Variants in ADGRE5 observed in about 807,000 individuals in gnomAD.
ADGRE5 encodes the protein adhesion G protein-coupled receptor E5.
In ADGRE5, 72 loss-of-function variants were observed where a neutral mutation model predicts 100.3. The observed-to-expected ratio is 0.72, with a 90% CI of 0.59 to 0.87. The LOEUF (loss-of-function observed/expected upper bound fraction) is 0.87, where lower values mean the gene tolerates loss of function less well. Ranked by LOEUF, ADGRE5 falls within the 40% of genes least tolerant of loss-of-function variation. The pLI, the probability that ADGRE5 is intolerant of heterozygous loss-of-function variation, is 0.00. For synonymous variants in ADGRE5, 439 were observed against 447.8 expected (o/e 0.98, Z 0.25); for missense variants, 959 against 1,094.7 (o/e 0.88, Z 1.75).
At chr19:14,390,694 C>T (rs1975570779) in intron 3 of ADGRE5, among the ~76,000 whole-genome samples, 1 of 152,198 alleles carries the variant, frequency 6.6e-6, no homozygotes, top group Non-Finnish European at 1.5e-5. Context: ...TCCCTCACCT[C>T]AGCACTGTTC....
chr19:14,398,438 G>A (rs1192588715), intron 9 of ADGRE5: 1 of 354,238 alleles, frequency 2.8e-6, no homozygotes, highest in Non-Finnish European at 5.3e-6. Flanking sequence ...GGAAGGCCGA[G>A]GTGGGCAGAT....
chr19:14,390,155 A>G (rs112862274), intron 3 of ADGRE5, among the ~76,000 whole-genome samples: 13,905 of 144,704 alleles, frequency 0.096, 924 homozygotes, highest in African/African-American at 0.15. Context: ...AGGAGGGAGG[A>G]AGGAAGGAAG....
At position 14,403,408 on chromosome 19, in the gene ADGRE5, AGT is replaced by A. The variant is rs1271315306; in HGVS notation, c.1449+548_1449+549del. On this transcript the variant is annotated intron_variant, in intron 12 of 19. Coordinates refer to ENST00000242786, the MANE Select transcript of ADGRE5 (RefSeq NM_078481.4). Reference sequence around the variant, plus strand: ...CACTCTGTGGCCCAGGCTGGAGTGCAGTGGCGCGATTATAGCTCACTGCAACC... The same window carrying A: ...CACTCTGTGGCCCAGGCTGGAGTGCAGGCGCGATTATAGCTCACTGCAACC... Among the ~76,000 whole-genome samples, 11 of 152,234 alleles carry A rather than the reference AGT, an allele frequency of 7.2e-5. No individual in the cohort carries two copies. The South Asian group carries it at 2.1e-3, about 29-fold the overall frequency.
chr19:14,394,367 C>A (rs1449214511), intron 4 of ADGRE5, among the ~76,000 whole-genome samples: 1 of 152,026 alleles, frequency 6.6e-6, no homozygotes, highest in Non-Finnish European at 1.5e-5. Flanking sequence ...GTGTCACAGC[C>A]CATGGGGCCT....
rs1185811719 is a variant in ADGRE5, at chr19:14,396,219, T to C, written c.347-123T>C. 3.8e-6 allele frequency: 6 copies of C among 1,564,948 alleles called. No homozygotes were observed. In the African/African-American group the frequency reaches 5.5e-5, roughly 14 times the overall value. On this transcript the variant is annotated intron_variant, in intron 4 of 19. Transcript: ENST00000242786. ...TCACCATAGGATGCCTCTGTGTGGA[T>C]TGGAAAAGGGAGGAGACAGTGGTGC... is the stretch of plus-strand genomic sequence containing the variant.
chr19:14,392,286 C>T (rs1480498518), intron 4 of ADGRE5, among the ~76,000 whole-genome samples: 1 of 129,872 alleles, frequency 7.7e-6, no homozygotes, highest in African/African-American at 3.2e-5. Flanking sequence ...AGAAAGAGTC[C>T]TTATCTTTTA....
rs375567054 is a variant in ADGRE5, at chr19:14,401,520, C to T, written c.1032C>T (p.Ser344=). ...ATATCATGAGGATCCTGGCCAAGAG[C>T]CTGCCTAAAGGCCCCTTCACCTACA... The part of the protein sequence containing the change: ...LEDIMRILAK[S]LPKGPFTYIS... Residue 344 remains serine, a synonymous_variant, in exon 10 of 20, where the codon AGC becomes AGT. Transcript: ENST00000242786. This position sits in a 1 kb window ranked among gnomAD's most constrained non-coding sequence, Gnocchi z 4.1. 3.2e-5 allele frequency: 52 copies of T among 1,614,028 alleles called. No homozygotes were observed. The highest frequency in any genetic ancestry group is 8.3e-5 in the Admixed American group (5 of 60,002).
At chr19:14,387,932 C>T (rs1482730851) in intron 1 of ADGRE5, among the ~76,000 whole-genome samples, 1 of 151,824 alleles carries the variant, frequency 6.6e-6, no homozygotes, top group Non-Finnish European at 1.5e-5. Flanking sequence ...AAAAATTAGC[C>T]GGGTGTGGTG....
chr19:14,392,370 G>A (rs921676102), intron 4 of ADGRE5, among the ~76,000 whole-genome samples: 16 of 151,236 alleles, frequency 1.1e-4, no homozygotes, highest in African/African-American at 3.6e-4. Flanking sequence ...GTGTGATCTC[G>A]GCTCACTGCA....
chr19:14,407,386 G>T (rs907315493), intron 18 of ADGRE5, among the ~76,000 whole-genome samples, 157 bp downstream of exon 18: 19 of 152,154 alleles, frequency 1.2e-4, no homozygotes, highest in African/African-American at 4.3e-4. Flanking sequence ...CCAGGGTGAG[G>T]CGCCTGTAAT....
At chr19:14,404,346 C>CAGGCCA (rs551903008) in intron 12 of ADGRE5, 37 bp from the exon 13 acceptor site, 19 of 1,584,390 alleles carry the variant, frequency 1.2e-5, no homozygotes, top group Middle Eastern at 4.1e-4. Context: ...GAGTGAGCTC[C>CAGGCCA]AGGCCAACCT....
At chr19:14,388,113 A>G (rs1975425003) in intron 1 of ADGRE5, among the ~76,000 whole-genome samples, 1 of 152,004 alleles carries the variant, frequency 6.6e-6, no homozygotes, top group Non-Finnish European at 1.5e-5. Context: ...CTGTGGTCCC[A>G]GCTACTTGGG....
At position 14,401,137 on chromosome 19, in the gene ADGRE5, A is replaced by G. The variant is rs1484628188; in HGVS notation, c.898-249A>G. Among the ~76,000 whole-genome samples the G allele has an allele frequency of 6.6e-6, 1 of 152,256 alleles. No homozygotes were observed. Among genetic ancestry groups the G allele is most frequent in the African/African-American group, 2.4e-5 (1 of 41,554 alleles). On this transcript the variant is annotated intron_variant, in intron 9 of 19. Coordinates refer to ENST00000242786, the MANE Select transcript of ADGRE5 (RefSeq NM_078481.4). This position sits in a 1 kb window ranked among gnomAD's most constrained non-coding sequence, Gnocchi z 4.1. ...ACCCTGTCTCAAAAAAAGAAAGAAA[A>G]AAGAACAGGAAATCAAAACAGAGCC...
chr19:14,406,217 C>G lies in ADGRE5; in HGVS notation c.1822-114C>G. ...AACCTGGCCCCCGCTCCAGACCCGC[C>G]CACCCTCCGGCTGTGGTCCCGCCCA... On this transcript the variant is annotated intron_variant, in intron 14 of 19. Coordinates refer to ENST00000242786, the MANE Select transcript of ADGRE5 (RefSeq NM_078481.4). This position sits in a 1 kb window ranked among gnomAD's most constrained non-coding sequence, Gnocchi z 6.0. 2 of 872,136 alleles carry G rather than the reference C, an allele frequency of 2.3e-6. No homozygotes were observed. Among genetic ancestry groups the G allele is most frequent in the South Asian group, 1.8e-5 (1 of 56,702 alleles). 54.0% of individuals were successfully genotyped at this position (872,136 alleles called of 1,614,324 possible). A position where few individuals can be genotyped will look rare whatever the true frequency, so the allele number is the denominator to read the frequency against.
At chr19:14,396,543 A>C in intron 5 of ADGRE5, 70 bp downstream of exon 5, 1 of 1,597,724 alleles carries the variant, frequency 6.3e-7, no homozygotes, top group Non-Finnish European at 8.5e-7. Context: ...CGTCCTCCAA[A>C]GCAGCCGAGG....
rs759172691 is a variant in ADGRE5 at position 14,408,072 on chromosome 19, C to T, written c.2479-20C>T. Reference sequence around the variant, plus strand: ...GCACCAGGGCTAGCGGGGCTCAGGCCTCTGGGCTCTCCTCTCCAGGCCCTC... The same window carrying T: ...GCACCAGGGCTAGCGGGGCTCAGGCTTCTGGGCTCTCCTCTCCAGGCCCTC... On this transcript the variant is annotated intron_variant, in intron 19 of 19. Coordinates refer to ENST00000242786, the MANE Select transcript of ADGRE5 (RefSeq NM_078481.4). 1 of 1,614,092 alleles carries T rather than the reference C, an allele frequency of 6.2e-7. No individual in the cohort carries two copies.
chr19:14,402,983 T>G (rs1976076720), intron 12 of ADGRE5, 121 bp downstream of exon 12: 3 of 848,222 alleles, frequency 3.5e-6, no homozygotes, highest in Non-Finnish European at 3.7e-6. Flanking sequence ...GCCTTCTGAT[T>G]TGGGCCTTCC....
intron 3 of ADGRE5, among the ~76,000 whole-genome samples, chr19:14,389,439 G>C (rs1331374521): frequency 6.8e-6 from 1 of 146,882 alleles, no homozygotes; most frequent in Admixed American, 6.8e-5. Flanking sequence ...GAGGAAGGGA[G>C]GGAGAGAGAT....
Position 14,397,950 on chromosome 19 carries a change from C to T in ADGRE5, c.819+15C>T. On this transcript the variant is annotated intron_variant, in intron 8 of 19. Coordinates refer to ENST00000242786, the MANE Select transcript of ADGRE5 (RefSeq NM_078481.4). The stretch of plus-strand genomic sequence containing the variant: ...TCCACAGCCAGGTGAGTGGCCCCCA[C>T]AGGGACGAGGCGGCGGGAACTCCAT... The T allele has an allele frequency of 7.1e-7, 1 of 1,414,388 alleles. No individual in the cohort carries two copies. The highest frequency in any genetic ancestry group is 9.7e-7 in the Non-Finnish European group (1 of 1,026,120). 87.6% of individuals were successfully genotyped at this position (1,414,388 alleles called of 1,614,324 possible).
Sources: allele counts gnomAD v4.1 joint callset (sites outside exome capture counted in the v4.1 genomes callset), GRCh38; gene constraint gnomAD v4.1.1; non-coding constraint Gnocchi (gnomAD v3.1); transcripts MANE v1.5; gene names NCBI Gene and HGNC (gene_info 2026-07-23, HGNC 2026-07-21).